Variants in FBN2 observed in about 807,000 individuals in gnomAD.
The protein encoded by FBN2 is fibrillin 2, also known as fibrillin-2.
Under a neutral mutation model 355.6 loss-of-function variants are expected in FBN2, and 105 were observed. That is an observed-to-expected ratio of 0.30 (90% CI 0.25 to 0.35). The LOEUF is 0.35. FBN2 is among the 10% of genes least tolerant of loss of function. The pLI is 1.00. For synonymous variants in FBN2, 1,350 were observed against 1,301.2 expected (o/e 1.04, Z -0.81); for missense variants, 3,280 against 3,758.7 (o/e 0.87, Z 3.33).
At chr5:128,455,990 C>CAAAAAAAAAACAAAAAA (rs1754376289) in intron 6 of FBN2, among the ~76,000 whole-genome samples, 2 of 25,272 alleles carry the variant, frequency 7.9e-5, no homozygotes, top group South Asian at 2.3e-3. Flanking sequence ...GGGTTAGCAA[C>CAAAAAAAAAACAAAAAA]AAAAAAAAAA....
chr5:128,344,615 A>C, intron 24 of FBN2, 105 bp from the exon 25 acceptor site: 1 of 1,001,480 alleles, frequency 1.0e-6, no homozygotes, highest in Non-Finnish European at 1.6e-6. Flanking sequence ...AATGCATCCA[A>C]GTAAAAAACA....
chr5:128,292,658 C>A (rs865823055), intron 48 of FBN2, among the ~76,000 whole-genome samples: 1 of 152,202 alleles, frequency 6.6e-6, no homozygotes, highest in East Asian at 1.9e-4. Context: ...TGGCTCCACG[C>A]TGACCGCAGG....
chr5:128,378,013 T>TTG, intron 12 of FBN2, 136 bp from the exon 13 acceptor site: 5 of 888,958 alleles, frequency 5.6e-6, no homozygotes, highest in Non-Finnish European at 8.6e-6. Context: ...CAGCAGTTTT[T>TTG]TTTTTTTTTT....
At chr5:128,532,897 T>G (rs1265291966) in intron 2 of FBN2, among the ~76,000 whole-genome samples, 3 of 152,140 alleles carry the variant, frequency 2.0e-5, no homozygotes, top group African/African-American at 7.2e-5. Context: ...AAAATTAGCC[T>G]TGCACATTGG....
At chr5:128,426,546 C>T (rs1184028858) in intron 7 of FBN2, among the ~76,000 whole-genome samples, 1 of 152,194 alleles carries the variant, frequency 6.6e-6, no homozygotes, top group Admixed American at 6.5e-5. Flanking sequence ...TTGACCAGTT[C>T]TTTCTTGACC....
At chr5:128,282,781 T>C (rs566557593) in intron 55 of FBN2, among the ~76,000 whole-genome samples, 9 of 152,274 alleles carry the variant, frequency 5.9e-5, no homozygotes, top group African/African-American at 1.7e-4. Flanking sequence ...TGCAGCAGGA[T>C]TGTCAATTAT....
chr5:128,274,248 T>G (rs954552393), intron 60 of FBN2, among the ~76,000 whole-genome samples: 1 of 152,208 alleles, frequency 6.6e-6, no homozygotes, highest in Non-Finnish European at 1.5e-5. Context: ...CTCAATATGT[T>G]TGTTAACATG....
In FBN2 at chr5:128,336,026, G is replaced by T. The variant is rs151192448; in HGVS notation, c.3686C>A (p.Pro1229His). 22 of 1,614,010 alleles carry T rather than the reference G, an allele frequency of 1.4e-5. No individual in the cohort carries two copies. The highest frequency in any genetic ancestry group is 1.9e-5 in the Non-Finnish European group (22 of 1,179,912). Residue 1229 changes from proline to histidine, a missense_variant, in exon 28 of 65, where the codon CCT becomes CAT. By Grantham distance (77) the Pro-to-His change is moderately conservative (BLOSUM62 -2). Transcript: ENST00000262464. The stretch of plus-strand genomic sequence containing the variant: ...GCGGTCTGGCGTAGCCTGATATCCA[G>T]GATTGCAAGAGCACTGATAGGTTCC... ...MIGTYQCSCN[P>H]GYQATPDRQG...
intron 7 of FBN2, among the ~76,000 whole-genome samples, chr5:128,422,704 G>A (rs1353032322): frequency 6.6e-6 from 1 of 152,160 alleles, no homozygotes; most frequent in Non-Finnish European, 1.5e-5. Context: ...TAGAACTGAA[G>A]TTGAGTAAGT....
chr5:128,528,709 G>C (rs779278252), intron 3 of FBN2, among the ~76,000 whole-genome samples: 6 of 152,122 alleles, frequency 3.9e-5, no homozygotes, highest in Non-Finnish European at 8.8e-5. Flanking sequence ...GGGCCTCCTC[G>C]GCCACCGAAG....
Position 128,377,734 on chromosome 5 carries a change from A to G in FBN2, c.1849+18T>C. ...ATCCTTTTAAAATCTTTTGCAAGGG[A>G]GCAGGCAATTTCCATACCAACACAG... is the stretch of plus-strand genomic sequence containing the variant. On this transcript the variant is annotated intron_variant, in intron 13 of 64. Coordinates refer to ENST00000262464, the MANE Select transcript of FBN2 (RefSeq NM_001999.4). 1 of 1,613,006 alleles carries G rather than the reference A, an allele frequency of 6.2e-7. No individual in the cohort carries two copies.
At chr5:128,425,507 T>G (rs1467892790) in intron 7 of FBN2, among the ~76,000 whole-genome samples, 1 of 152,182 alleles carries the variant, frequency 6.6e-6, no homozygotes, top group African/African-American at 2.4e-5. Context: ...TTTAATATTT[T>G]CCCATTAAGC....
intron 5 of FBN2, among the ~76,000 whole-genome samples, chr5:128,516,716 A>G (rs1261794293): frequency 1.3e-5 from 2 of 152,194 alleles, no homozygotes. Context: ...CAGTAATTTA[A>G]AAATATATAT....
chr5:128,414,369 G>T (rs1753143941), intron 7 of FBN2, among the ~76,000 whole-genome samples: 1 of 152,006 alleles, frequency 6.6e-6, no homozygotes, highest in Non-Finnish European at 1.5e-5. Flanking sequence ...CATATAAATA[G>T]AATCATAAAA....
chr5:128,470,939 T>C (rs1754845166), intron 5 of FBN2, among the ~76,000 whole-genome samples: 1 of 152,204 alleles, frequency 6.6e-6, no homozygotes, highest in Admixed American at 6.5e-5. Flanking sequence ...TTCTATGCTG[T>C]AACTGCAAGT....
At chr5:128,502,102 G>A (rs1184899588) in intron 5 of FBN2, among the ~76,000 whole-genome samples, 1 of 151,878 alleles carries the variant, frequency 6.6e-6, no homozygotes, top group African/African-American at 2.4e-5. Context: ...GAAAGATCAG[G>A]CTAGAGTCAG....
chr5:128,458,704 T>C (rs1754475225), intron 6 of FBN2, among the ~76,000 whole-genome samples: 2 of 152,016 alleles, frequency 1.3e-5, no homozygotes, highest in Non-Finnish European at 2.9e-5. Flanking sequence ...GACTCCTGGG[T>C]AAATACTGAA....
intron 25 of FBN2, 91 bp downstream of exon 25, chr5:128,344,294 T>G: frequency 7.6e-7 from 1 of 1,312,432 alleles, no homozygotes; most frequent in Non-Finnish European, 1.1e-6. Context: ...ATGTTCTCAA[T>G]GAGAGGATTA....
chr5:128,377,759 G>A lies in FBN2; in HGVS notation c.1842C>T (p.Asn614=), dbSNP rs968593645. ...AGCAGGCAATTTCCATACCAACACA[G>A]TTTTTTCCATCTGTAGTTAATTCAA... is the stretch of plus-strand genomic sequence containing the variant. ...AGFELTTDGK[N]CVDHDECTTT... is the part of the protein sequence containing the mutation. Residue 614 remains asparagine (N), a synonymous_variant, in exon 13 of 65, where the codon AAC becomes AAT. Coordinates refer to ENST00000262464, the MANE Select transcript of FBN2 (RefSeq NM_001999.4). The A allele has an allele frequency of 2.5e-6, 4 of 1,613,396 alleles. No homozygotes were observed. Among genetic ancestry groups the A allele is most frequent in the Admixed American group, 3.3e-5 (2 of 59,952 alleles).
Sources: gnomAD v4.1 joint callset for allele counts (sites outside exome capture counted in the v4.1 genomes callset) on GRCh38, gnomAD v4.1.1 for gene constraint, MANE v1.5 for transcripts, NCBI Gene and HGNC (gene_info 2026-07-23, HGNC 2026-07-21) for gene names.